Variants in SLC5A8 observed in about 807,000 individuals in gnomAD.
The protein encoded by SLC5A8 is solute carrier family 5 member 8.
Under a neutral mutation model 71.9 loss-of-function variants are expected in SLC5A8, and 55 were observed. The ratio of observed to expected loss-of-function variants is 0.77; its 90% CI spans 0.62 to 0.96. The LOEUF is 0.96. SLC5A8 is among the 40% of genes least tolerant of loss of function. The probability of loss-of-function intolerance (pLI) is 0.00; values close to 1 mark genes in which losing one functional copy is unlikely to be tolerated. For missense variants in SLC5A8, 701 were observed against 745.3 expected, an observed-to-expected ratio of 0.94 and a Z score of 0.69; for synonymous variants, 307 against 276.1, an observed-to-expected ratio of 1.11 and a Z score of -1.11.
chr12:101,162,143 A>T (rs2051729447), intron 12 of SLC5A8, 66 bp from the exon 13 acceptor site: 3 of 1,004,466 alleles, frequency 3.0e-6, no homozygotes, highest in Non-Finnish European at 4.7e-6. Context: ...AGTATATACC[A>T]GTGATTCCCA....
At chr12:101,206,270 A>T (rs1224276900) in intron 1 of SLC5A8, among the ~76,000 whole-genome samples, 1 of 152,238 alleles carries the variant, frequency 6.6e-6, no homozygotes, top group African/African-American at 2.4e-5. Context: ...AGACTGGAGA[A>T]GTTTATTAAG....
intron 10 of SLC5A8, among the ~76,000 whole-genome samples, chr12:101,173,431 G>C (rs1338201989): frequency 3.9e-5 from 6 of 152,204 alleles, no homozygotes; most frequent in Non-Finnish European, 4.4e-5. Context: ...GATGACTGGT[G>C]ACACCTGTGG....
intron 10 of SLC5A8, among the ~76,000 whole-genome samples, chr12:101,168,701 T>G (rs1016166732): frequency 6.6e-6 from 1 of 152,194 alleles, no homozygotes; most frequent in African/African-American, 2.4e-5. Context: ...AGAAATAGAT[T>G]TAAAATCTAA....
intron 13 of SLC5A8, among the ~76,000 whole-genome samples, chr12:101,159,076 G>A (rs2051702329): frequency 1.3e-5 from 2 of 151,984 alleles, no homozygotes; most frequent in Admixed American, 1.3e-4. Context: ...TTCAAGGAAT[G>A]TACTTAAAAT....
intron 7 of SLC5A8, among the ~76,000 whole-genome samples, 197 bp downstream of exon 7, chr12:101,187,189 T>G (rs1868681597): frequency 6.6e-6 from 1 of 152,188 alleles, no homozygotes; most frequent in Non-Finnish European, 1.5e-5. Flanking sequence ...ATTTCCATAT[T>G]TTCATTTTAG....
intron 12 of SLC5A8, 71 bp from the exon 13 acceptor site, chr12:101,162,148 T>A (rs2051729536): frequency 1.0e-6 from 1 of 961,108 alleles, no homozygotes; most frequent in Non-Finnish European, 1.7e-6. Flanking sequence ...ATACCAGTGA[T>A]TCCCATGGCA....
intron 10 of SLC5A8, among the ~76,000 whole-genome samples, chr12:101,170,960 T>C (rs1400055097): frequency 2.0e-5 from 3 of 152,198 alleles, no homozygotes; most frequent in Non-Finnish European, 2.9e-5. Context: ...TTGTTGAGTC[T>C]TGTACACCGT....
intron 10 of SLC5A8, among the ~76,000 whole-genome samples, chr12:101,169,146 A>T (rs759359401): frequency 2.0e-5 from 3 of 152,164 alleles, no homozygotes; most frequent in Non-Finnish European, 2.9e-5. Context: ...AGGGAGATAG[A>T]CTTCACTGCA....
At chr12:101,180,213 G>A in intron 9 of SLC5A8, 117 bp from the exon 10 acceptor site, 1 of 1,019,796 alleles carries the variant, frequency 9.8e-7, no homozygotes, top group Non-Finnish European at 1.5e-6. Flanking sequence ...GGTGAAGAAT[G>A]GCCACACACA....
intron 2 of SLC5A8, among the ~76,000 whole-genome samples, chr12:101,203,262 T>C (rs555892433): frequency 3.3e-4 from 51 of 152,368 alleles, no homozygotes; most frequent in African/African-American, 1.2e-3. Context: ...ATTTAAGTTA[T>C]ATAATTTGCA....
chr12:101,208,660 T>G (rs1869777538), intron 1 of SLC5A8, among the ~76,000 whole-genome samples: 1 of 152,214 alleles, frequency 6.6e-6, no homozygotes. Flanking sequence ...CAGTTTTCCT[T>G]AATTGTCTTT....
rs1593384890 is a variant in SLC5A8, at chr12:101,202,345, T to G, written c.418-130A>C. ...CTTAAAACAACAGTTTCAAAACACC[T>G]AATAAAATTTGTTTGTAACTTGCAA... On this transcript the variant is annotated intron_variant, in intron 2 of 14. Transcript: ENST00000536262. 3 of 860,682 alleles carry G rather than the reference T, an allele frequency of 3.5e-6. No individual in the cohort carries two copies. In the East Asian group the frequency reaches 9.6e-5, roughly 27 times the overall value. The allele number at this position is 860,682 out of a possible 1,614,324, so 53.3% of individuals were successfully genotyped here.
At position 101,184,140 on chromosome 12, in the gene SLC5A8, G is replaced by A. The variant is rs755123980; in HGVS notation, c.1046C>T (p.Thr349Ile). The change falls in exon 8 of 15, where the codon ACA (threonine) becomes ATA (isoleucine). Residue 349 changes from threonine to isoleucine, a missense_variant. Transcript: ENST00000536262. Reference protein sequence around the residue: ...GLFVACAYSGTLSTVSSSINA... With the variant: ...GLFVACAYSGILSTVSSSINA... ...TTAGAGTCATAGTTCATACCTTAATGTCCCACTGTAAGCACAGGCCACAAA... is the reference window on the plus strand; with the variant it reads ...TTAGAGTCATAGTTCATACCTTAATATCCCACTGTAAGCACAGGCCACAAA... 5 of 1,613,332 alleles carry A rather than the reference G, an allele frequency of 3.1e-6. No homozygotes were observed. The South Asian group carries it at 5.5e-5, about 18-fold the overall frequency.
chr12:101,185,540 A>G (rs1868596322), intron 7 of SLC5A8, among the ~76,000 whole-genome samples: 1 of 152,130 alleles, frequency 6.6e-6, no homozygotes, highest in African/African-American at 2.4e-5. Flanking sequence ...GCATAGAGAA[A>G]CATATCCTTG....
At chr12:101,166,803 C>G in intron 11 of SLC5A8, 104 bp from the exon 12 acceptor site, 1 of 1,028,140 alleles carries the variant, frequency 9.7e-7, no homozygotes, top group South Asian at 1.7e-5. Flanking sequence ...TTATAAAACT[C>G]ACAAGGGCAG....
chr12:101,207,166 T>C (rs530460797), intron 1 of SLC5A8, among the ~76,000 whole-genome samples: 1 of 152,370 alleles, frequency 6.6e-6, no homozygotes, highest in African/African-American at 2.4e-5. Context: ...TGGAGGTGGA[T>C]GCCTGCAGTG....
chr12:101,185,986 T>C (rs1010854441), intron 7 of SLC5A8, among the ~76,000 whole-genome samples: 3 of 152,162 alleles, frequency 2.0e-5, no homozygotes, highest in South Asian at 2.1e-4. Flanking sequence ...AATATATCAG[T>C]TGGGGAGAAA....
chr12:101,210,176 A>ATTTTGT lies in SLC5A8; in HGVS notation c.-329_-328insACAAAA. On this transcript the variant is annotated 5_prime_UTR_variant, in exon 1 of 15. Transcript: ENST00000536262. Reference sequence around the variant, plus strand: ...CGCCGGGGACACCTGAGCAGATGAGAACTGGAGCCTCCAGCTGCTTCCAGC... The same window carrying ATTTTGT: ...CGCCGGGGACACCTGAGCAGATGAGATTTTGTACTGGAGCCTCCAGCTGCTTCCAGC... 1.2e-5 allele frequency: 4 copies of ATTTTGT among 329,060 alleles called. No individual in the cohort carries two copies. The highest frequency in any genetic ancestry group is 2.2e-5 in the Non-Finnish European group (4 of 182,842). The allele number at this position is 329,060 out of a possible 1,614,324, so 20.4% of individuals were successfully genotyped here. A position where few individuals can be genotyped will look rare whatever the true frequency, so the allele number is the denominator to read the frequency against.
chr12:101,164,427 A>C (rs2051750689), intron 12 of SLC5A8, among the ~76,000 whole-genome samples: 1 of 152,238 alleles, frequency 6.6e-6, no homozygotes, highest in Admixed American at 6.5e-5. Flanking sequence ...CAAATATTGT[A>C]AACTTAAAAA....
Sources: gnomAD v4.1 joint callset for allele counts (sites outside exome capture counted in the v4.1 genomes callset) on GRCh38, gnomAD v4.1.1 for gene constraint, MANE v1.5 for transcripts, NCBI Gene and HGNC (gene_info 2026-07-23, HGNC 2026-07-21) for gene names.